The following RUNX1 variants were observed in gnomAD, a reference collection of about 807,000 sequenced individuals.
RUNX1 encodes the protein RUNX family transcription factor 1, also known as runt-related transcription factor 1.
A neutral mutation model predicts 42.8 loss-of-function variants in RUNX1; 19 were observed. That is an observed-to-expected ratio of 0.44 (90% CI 0.31 to 0.65). The LOEUF (loss-of-function observed/expected upper bound fraction) is 0.65. RUNX1 is among the 30% of genes least tolerant of loss of function. The pLI is 0.07. For synonymous variants in RUNX1, 271 were observed against 289.4 expected, an observed-to-expected ratio of 0.94 and a Z score of 0.64; for missense variants, 528 against 672.0, an observed-to-expected ratio of 0.79 and a Z score of 2.37.
At chr21:34,887,932 A>G (rs1024067419) in intron 3 of RUNX1, 2 of 1,065,690 alleles carry the variant, frequency 1.9e-6, no homozygotes, top group Non-Finnish European at 2.3e-6. Context: ...AGAGATCTTC[A>G]GCTAATCTTA....
intron 2 of RUNX1, among the ~76,000 whole-genome samples, chr21:34,997,511 C>T (rs1569143914): frequency 6.6e-6 from 1 of 152,200 alleles, no homozygotes; most frequent in Non-Finnish European, 1.5e-5. Context: ...GGAAACTCTT[C>T]CTTTGCCAAG....
intron 7 of RUNX1, among the ~76,000 whole-genome samples, chr21:34,816,222 A>G (rs747644181): frequency 6.6e-6 from 1 of 152,228 alleles, no homozygotes; most frequent in Non-Finnish European, 1.5e-5. Flanking sequence ...CCCAGGAGCA[A>G]GGAAAAATCC....
chr21:34,886,811 C>G (rs201991952), intron 4 of RUNX1, 32 bp downstream of exon 4: 4 of 1,611,770 alleles, frequency 2.5e-6, no homozygotes, highest in Non-Finnish European at 3.4e-6. Context: ...CGGCCTCCGC[C>G]TGTCCTCCCA....
chr21:34,889,714 C>G (rs977091323), intron 3 of RUNX1: 11 of 1,186,648 alleles, frequency 9.3e-6, no homozygotes, highest in Non-Finnish European at 1.2e-5. Flanking sequence ...CCCCCTGCGC[C>G]GGTCCCCGCG....
At chr21:34,976,980 C>G (rs568392416) in intron 2 of RUNX1, among the ~76,000 whole-genome samples, 1 of 152,116 alleles carries the variant, frequency 6.6e-6, no homozygotes, top group Non-Finnish European at 1.5e-5. Flanking sequence ...CTCACTCAAA[C>G]GGGGAAATGT....
intron 2 of RUNX1, among the ~76,000 whole-genome samples, chr21:35,002,750 C>T (rs2059056113): frequency 6.6e-6 from 1 of 151,990 alleles, no homozygotes; most frequent in East Asian, 1.9e-4. Context: ...TTTATAATTT[C>T]CCCTTTAAAT....
chr21:35,027,115 C>T (rs2059243104), intron 2 of RUNX1, among the ~76,000 whole-genome samples: 1 of 152,028 alleles, frequency 6.6e-6, no homozygotes, highest in Non-Finnish European at 1.5e-5. Flanking sequence ...GCTGGGAGAG[C>T]ATCAAGAAGG....
intron 8 of RUNX1, 145 bp downstream of exon 8, chr21:34,799,156 A>C: frequency 1.2e-6 from 1 of 847,370 alleles, no homozygotes; most frequent in Non-Finnish European, 2.0e-6. Context: ...AAATCAGTGC[A>C]TGGGCATGGG....
intron 2 of RUNX1, among the ~76,000 whole-genome samples, chr21:35,023,637 A>G (rs1163800329): frequency 6.6e-6 from 1 of 152,180 alleles, no homozygotes; most frequent in Non-Finnish European, 1.5e-5. Context: ...ATTGAGGCCA[A>G]TGGTTTGCTT....
At chr21:34,888,767 A>C (rs2058035983) in intron 3 of RUNX1, 1 of 870,246 alleles carries the variant, frequency 1.1e-6, no homozygotes, top group Non-Finnish European at 1.4e-6. Flanking sequence ...GCTCGTTTGC[A>C]TAGGGGCGGC....
At chr21:34,906,097 G>A (rs138228301) in intron 2 of RUNX1, among the ~76,000 whole-genome samples, 41 of 152,250 alleles carry the variant, frequency 2.7e-4, no homozygotes, top group Non-Finnish European at 4.9e-4. Context: ...TTGGATTTTC[G>A]AAAGTAAATG....
At chr21:34,844,791 A>AG (rs2057293311) in intron 6 of RUNX1, among the ~76,000 whole-genome samples, 1 of 152,178 alleles carries the variant, frequency 6.6e-6, no homozygotes, top group Non-Finnish European at 1.5e-5. Context: ...TCTGACTCTG[A>AG]CGCTCTCTCC....
intron 7 of RUNX1, among the ~76,000 whole-genome samples, chr21:34,815,825 G>C (rs1462339280): frequency 6.6e-6 from 1 of 152,158 alleles, no homozygotes; most frequent in Non-Finnish European, 1.5e-5. Flanking sequence ...GCAGTCTTTA[G>C]AGGAAGGAAG....
intron 3 of RUNX1, chr21:34,888,653 G>C: frequency 9.5e-7 from 1 of 1,050,222 alleles, no homozygotes. Context: ...GGGTCCGGCC[G>C]CGGGGCGCCC....
intron 5 of RUNX1, among the ~76,000 whole-genome samples, chr21:34,878,413 A>G (rs2146347081): frequency 6.6e-6 from 1 of 151,408 alleles, no homozygotes; most frequent in East Asian, 1.9e-4. Context: ...CAAGACCAAC[A>G]ATATTCATAT....
intron 5 of RUNX1, among the ~76,000 whole-genome samples, chr21:34,869,288 TC>T (rs541248711): frequency 6.6e-6 from 1 of 152,168 alleles, no homozygotes; most frequent in Non-Finnish European, 1.5e-5. Context: ...GCTTTTATCA[TC>T]CTAACATAGA....
At chr21:34,918,095 T>A (rs1206085699) in intron 2 of RUNX1, among the ~76,000 whole-genome samples, 1 of 126,648 alleles carries the variant, frequency 7.9e-6, no homozygotes, top group Non-Finnish European at 1.6e-5. Context: ...GCCACTGCAC[T>A]CCAGCCTGGG....
chr21:35,008,371 C>T (rs1248340536), intron 2 of RUNX1, among the ~76,000 whole-genome samples: 1 of 152,202 alleles, frequency 6.6e-6, no homozygotes, highest in Non-Finnish European at 1.5e-5. Context: ...TCCTCCATAG[C>T]AACTAGCATC....
intron 7 of RUNX1, among the ~76,000 whole-genome samples, chr21:34,799,738 C>CT (rs1380202100): frequency 6.6e-6 from 1 of 152,314 alleles, no homozygotes; most frequent in East Asian, 1.9e-4. Context: ...ATGGATTACA[C>CT]TTTCAAGGTA....
Sources: gnomAD v4.1 joint callset for allele counts (sites outside exome capture counted in the v4.1 genomes callset) on GRCh38, gnomAD v4.1.1 for gene constraint, MANE v1.5 for transcripts, NCBI Gene and HGNC (gene_info 2026-07-23, HGNC 2026-07-21) for gene names.